The following ATG7 variants were observed in gnomAD, a reference collection of about 807,000 sequenced individuals.
ATG7 encodes the protein ubiquitin-like modifier-activating enzyme ATG7.
In ATG7, 70 loss-of-function variants were observed where a neutral mutation model predicts 82.4. That is an observed-to-expected ratio of 0.85 (90% CI 0.70 to 1.04). The LOEUF is 1.04. Ranked by LOEUF, ATG7 falls within the 50% of genes least tolerant of loss-of-function variation. ATG7 has a pLI of 0.00. For synonymous variants in ATG7, 287 were observed against 313.0 expected, an observed-to-expected ratio of 0.92 and a Z score of 0.88; for missense variants, 792 against 864.3, an observed-to-expected ratio of 0.92 and a Z score of 1.05.
intron 7 of ATG7, among the ~76,000 whole-genome samples, chr3:11,312,554 C>A (rs1268665215): frequency 6.6e-6 from 1 of 152,204 alleles, no homozygotes; most frequent in Non-Finnish European, 1.5e-5. Flanking sequence ...CATGCACTCG[C>A]TTTATCTCTG....
intron 20 of ATG7, among the ~76,000 whole-genome samples, chr3:11,495,747 A>G (rs927566952): frequency 6.6e-6 from 1 of 152,074 alleles, no homozygotes; most frequent in African/African-American, 2.4e-5. Context: ...CCAAGTTTCT[A>G]TTTTGCCGTG....
chr3:11,573,380 A>G, the ATG7 span, among the ~76,000 whole-genome samples: 1 of 147,472 alleles, frequency 6.8e-6, no homozygotes, highest in Non-Finnish European at 1.5e-5. Flanking sequence ...AGAAAGAAAG[A>G]AAGAAAGAAA....
intron 20 of ATG7, among the ~76,000 whole-genome samples, chr3:11,540,852 A>C (rs2070750074): frequency 7.7e-6 from 1 of 130,072 alleles, no homozygotes; most frequent in African/African-American, 3.0e-5. Flanking sequence ...CTATGTCCAA[A>C]GTCTTACTGA....
At chr3:11,470,781 G>T (rs2087409113) in intron 20 of ATG7, among the ~76,000 whole-genome samples, 1 of 152,226 alleles carries the variant, frequency 6.6e-6, no homozygotes, top group South Asian at 2.1e-4. Flanking sequence ...AGCCGAGCCA[G>T]GAGAGGAGAT....
intron 20 of ATG7, among the ~76,000 whole-genome samples, chr3:11,501,277 T>C (rs1391464527): frequency 6.6e-6 from 1 of 152,074 alleles, no homozygotes; most frequent in African/African-American, 2.4e-5. Flanking sequence ...TCATAGAAAT[T>C]TTGTATCATG....
chr3:11,415,029 A>T (rs1178244577), intron 19 of ATG7, among the ~76,000 whole-genome samples: 6 of 152,184 alleles, frequency 3.9e-5, no homozygotes, highest in Non-Finnish European at 2.9e-5. Context: ...CCTTATACAA[A>T]CCGTGACAGC....
intron 20 of ATG7, among the ~76,000 whole-genome samples, chr3:11,453,020 G>A (rs2085347221): frequency 6.6e-6 from 1 of 152,284 alleles, no homozygotes; most frequent in African/African-American, 2.4e-5. Flanking sequence ...GTTAAAACCC[G>A]GAAAGGGTAT....
intron 20 of ATG7, among the ~76,000 whole-genome samples, chr3:11,501,387 G>T (rs763469526): frequency 6.6e-6 from 1 of 152,198 alleles, no homozygotes; most frequent in Non-Finnish European, 1.5e-5. Context: ...GATACTAGCT[G>T]TTATTATTTG....
intron 20 of ATG7, among the ~76,000 whole-genome samples, chr3:11,531,000 A>T (rs1445369467): frequency 6.6e-6 from 1 of 152,146 alleles, no homozygotes; most frequent in East Asian, 1.9e-4. Flanking sequence ...TAATAATAAA[A>T]TGAAGACTGC....
chr3:11,555,033 A>C lies in ATG7; in HGVS notation c.*190A>C. 1 of 649,976 alleles carries C rather than the reference A, an allele frequency of 1.5e-6. No homozygotes were observed. The highest frequency in any genetic ancestry group is 2.5e-6 in the Non-Finnish European group (1 of 393,210). 40.3% of individuals were successfully genotyped at this position (649,976 alleles called of 1,614,324 possible). On this transcript the variant is annotated 3_prime_UTR_variant, in exon 21 of 21. Coordinates refer to ENST00000693202, the MANE Select transcript of ATG7 (RefSeq NM_001349232.2). ...GTTGCTCGGGATTCAAGATACCACCAGTTCAGAGCTAAATAATAACCTTGG... is the reference window on the plus strand; with the variant it reads ...GTTGCTCGGGATTCAAGATACCACCCGTTCAGAGCTAAATAATAACCTTGG...
intron 9 of ATG7, among the ~76,000 whole-genome samples, chr3:11,316,866 C>T (rs541916504): frequency 6.6e-6 from 1 of 152,150 alleles, no homozygotes; most frequent in East Asian, 1.9e-4. Flanking sequence ...GTGAATATAT[C>T]AGAGCTGAAA....
At chr3:11,377,036 G>A (rs919828054) in intron 18 of ATG7, among the ~76,000 whole-genome samples, 7 of 152,210 alleles carry the variant, frequency 4.6e-5, no homozygotes, top group Non-Finnish European at 8.8e-5. Context: ...ACCGCGCCCG[G>A]CCTTGTCTGC....
At chr3:11,483,213 G>A (rs1559717973) in intron 20 of ATG7, among the ~76,000 whole-genome samples, 1 of 152,132 alleles carries the variant, frequency 6.6e-6, no homozygotes, top group Non-Finnish European at 1.5e-5. Flanking sequence ...AGGTCATGGA[G>A]AGGTAAAGTG....
rs879510800 is a variant in ATG7 at position 11,313,675 on chromosome 3, T to C, written c.528+255T>C. ...TGGAGTGCAGTGGCACGATCACTGC[T>C]CACTGTAGCTTCAACTTCTCAGGCT... is the stretch of plus-strand genomic sequence containing the variant. On this transcript the variant is annotated intron_variant, in intron 8 of 20. Coordinates refer to ENST00000693202, the MANE Select transcript of ATG7 (RefSeq NM_001349232.2). Among the ~76,000 whole-genome samples, 17 of 152,360 alleles carry C rather than the reference T, an allele frequency of 1.1e-4. No homozygotes were observed. The East Asian group carries it at 3.3e-3, about 29-fold the overall frequency.
chr3:11,563,596 C>T, the ATG7 span, among the ~76,000 whole-genome samples: 5 of 152,178 alleles, frequency 3.3e-5, no homozygotes, highest in African/African-American at 9.7e-5. Context: ...AAATGGTGAG[C>T]GCTCGTAAAA....
At chr3:11,406,279 C>T (rs1473431792) in intron 19 of ATG7, among the ~76,000 whole-genome samples, 1 of 152,096 alleles carries the variant, frequency 6.6e-6, no homozygotes, top group Admixed American at 6.6e-5. Context: ...CATGAGCCAC[C>T]ATACCCAGCC....
At chr3:11,495,994 T>C (rs138614183) in intron 20 of ATG7, among the ~76,000 whole-genome samples, 1,725 of 152,282 alleles carry the variant, frequency 0.011, 31 homozygotes, top group African/African-American at 0.039. Flanking sequence ...ACTTTCCACA[T>C]GGTAGCCCTA....
chr3:11,310,820 G>A (rs1265424962), intron 7 of ATG7, among the ~76,000 whole-genome samples: 8 of 152,022 alleles, frequency 5.3e-5, no homozygotes, highest in Non-Finnish European at 8.8e-5. Context: ...TTTTAGTAGA[G>A]AGGGGGTTTC....
At chr3:11,468,067 A>T (rs984621871) in intron 20 of ATG7, among the ~76,000 whole-genome samples, 5 of 152,342 alleles carry the variant, frequency 3.3e-5, no homozygotes, top group Non-Finnish European at 7.3e-5. Flanking sequence ...GCACAGTTTG[A>T]CTTGTGACAT....
Sources: gnomAD v4.1 joint callset for allele counts (sites outside exome capture counted in the v4.1 genomes callset) on GRCh38, gnomAD v4.1.1 for gene constraint, MANE v1.5 for transcripts, NCBI Gene and HGNC (gene_info 2026-07-23, HGNC 2026-07-21) for gene names.